The following KCNQ3 variants were observed in gnomAD, a reference collection of about 807,000 sequenced individuals.
KCNQ3 encodes the protein potassium voltage-gated channel subfamily Q member 3, also known as potassium voltage-gated channel subfamily KQT member 3.
KCNQ3 carries 30 observed loss-of-function variants against 92.5 expected under a neutral mutation model. That is an observed-to-expected ratio of 0.32 (90% CI 0.24 to 0.44). The LOEUF is 0.44. Among genes scored for constraint, KCNQ3 ranks in the 20% least tolerant of loss-of-function variants. The probability of loss-of-function intolerance (pLI) is 1.00; values close to 1 mark genes in which losing one functional copy is unlikely to be tolerated. For synonymous variants in KCNQ3, 450 were observed against 468.8 expected (o/e 0.96, Z 0.52); for missense variants, 913 against 1,140.3 (o/e 0.80, Z 2.87).
chr8:132,411,987 T>A (rs1046615239), intron 1 of KCNQ3, among the ~76,000 whole-genome samples: 5 of 152,202 alleles, frequency 3.3e-5, no homozygotes, highest in Admixed American at 1.3e-4. Context: ...GCTGGCCTTT[T>A]CTGGGGTTAG....
chr8:132,426,729 T>G (rs2130818317), intron 1 of KCNQ3, among the ~76,000 whole-genome samples: 1 of 152,312 alleles, frequency 6.6e-6, no homozygotes, highest in South Asian at 2.1e-4. Flanking sequence ...GAATAAAAAC[T>G]TCCTTGCCAA....
intron 1 of KCNQ3, among the ~76,000 whole-genome samples, chr8:132,423,471 C>A (rs537609152): frequency 7.2e-5 from 11 of 152,282 alleles, no homozygotes; most frequent in Non-Finnish European, 1.0e-4. Flanking sequence ...AGCATAGACT[C>A]AAGCCAGACT....
Position 132,141,253 on chromosome 8 carries a change from A to C in KCNQ3, c.1341T>G (p.Pro447=). The C allele has an allele frequency of 1.2e-6, 2 of 1,614,200 alleles. No homozygotes were observed. Among genetic ancestry groups the C allele is most frequent in the Non-Finnish European group, 1.7e-6 (2 of 1,180,016 alleles). Residue 447 remains proline (P), a synonymous_variant, in exon 10 of 15, where the codon CCT becomes CCG. Coordinates refer to ENST00000388996, the MANE Select transcript of KCNQ3 (RefSeq NM_004519.4). ...GSNTKGKLFT[P]LNVDAIEESP... is the part of the protein sequence containing the mutation. ...TTTCTTCTATGGCATCTACATTCAG[A>C]GGGGTAAATAGCTTTCCTTTAGTAT...
At chr8:132,399,153 T>C (rs148852020) in intron 1 of KCNQ3, among the ~76,000 whole-genome samples, 1 of 152,228 alleles carries the variant, frequency 6.6e-6, no homozygotes, top group African/African-American at 2.4e-5. Context: ...CAGGTCTCTA[T>C]AGGCAGTAGA....
At chr8:132,448,502 G>GAAAAAAAAAAAAAAAAAAAAAAAAAAAA in intron 1 of KCNQ3, among the ~76,000 whole-genome samples, 10 of 93,884 alleles carry the variant, frequency 1.1e-4, no homozygotes, top group South Asian at 4.0e-4. Context: ...GGAGAAATAT[G>GAAAAAAAAAAAAAAAAAAAAAAAAAAAA]AAAAAAAAAA....
At chr8:132,435,390 G>C (rs927040463) in intron 1 of KCNQ3, among the ~76,000 whole-genome samples, 1 of 152,294 alleles carries the variant, frequency 6.6e-6, no homozygotes, top group Non-Finnish European at 1.5e-5. Context: ...CAGAGGCGGG[G>C]AGGGATCTCC....
At chr8:132,213,012 T>A (rs1171017117) in intron 1 of KCNQ3, among the ~76,000 whole-genome samples, 1 of 152,200 alleles carries the variant, frequency 6.6e-6, no homozygotes, top group East Asian at 1.9e-4. Flanking sequence ...GACACCTGCA[T>A]GACACTGTTG....
Position 132,480,382 on chromosome 8 carries a change from C to T in KCNQ3, c.151G>A (p.Glu51Lys), listed in dbSNP as rs1398300403. 1.3e-6 allele frequency: 2 copies of T among 1,564,080 alleles called. No individual in the cohort carries two copies. Among genetic ancestry groups the T allele is most frequent in the Non-Finnish European group, 1.7e-6 (2 of 1,163,178 alleles). ...RKVGLAPGDVEQVTLALGAGA... is the reference protein window; with the variant it reads ...RKVGLAPGDVKQVTLALGAGA... Reference sequence around the variant, plus strand: ...GCCCCGAGCGCCAAGGTGACTTGCTCCACGTCGCCGGGCGCCAGCCCCACT... The same window carrying T: ...GCCCCGAGCGCCAAGGTGACTTGCTTCACGTCGCCGGGCGCCAGCCCCACT... The change falls in exon 1 of 15, where the codon GAG becomes AAG. Residue 51 changes from glutamate (E) to lysine (K), a missense_variant. Physicochemically the swap from Glu to Lys is moderately conservative, Grantham distance 56. Coordinates refer to ENST00000388996, the MANE Select transcript of KCNQ3 (RefSeq NM_004519.4).
intron 7 of KCNQ3, among the ~76,000 whole-genome samples, chr8:132,171,964 T>C (rs567010847): frequency 6.6e-6 from 1 of 151,694 alleles, no homozygotes; most frequent in South Asian, 2.1e-4. Context: ...GAGGCCAGCC[T>C]GGGCAACATA....
intron 1 of KCNQ3, among the ~76,000 whole-genome samples, chr8:132,286,089 C>A (rs1044197237): frequency 3.3e-5 from 5 of 152,164 alleles, no homozygotes; most frequent in African/African-American, 7.2e-5. Context: ...TGAACCCAGG[C>A]AAAAATTTGC....
chr8:132,312,633 G>C (rs1449912891), intron 1 of KCNQ3, among the ~76,000 whole-genome samples: 1 of 152,152 alleles, frequency 6.6e-6, no homozygotes, highest in African/African-American at 2.4e-5. Flanking sequence ...GACCTGGTAG[G>C]AGGTGACTGG....
At chr8:132,262,634 G>GTTT (rs10629932) in intron 1 of KCNQ3, among the ~76,000 whole-genome samples, 8,447 of 141,788 alleles carry the variant, frequency 0.06, 288 homozygotes, top group South Asian at 0.091. Context: ...TCTTACAGCA[G>GTTT]TTTTTTTTTT....
intron 1 of KCNQ3, among the ~76,000 whole-genome samples, chr8:132,263,072 C>T (rs1815846717): frequency 6.6e-6 from 1 of 152,158 alleles, no homozygotes; most frequent in Admixed American, 6.5e-5. Flanking sequence ...AGCCAAAACT[C>T]CCACCACTGC....
intron 1 of KCNQ3, among the ~76,000 whole-genome samples, chr8:132,407,938 G>A (rs1239175880): frequency 6.6e-6 from 1 of 152,116 alleles, no homozygotes; most frequent in Non-Finnish European, 1.5e-5. Context: ...TACATGATGG[G>A]GTGGAGGCTT....
At chr8:132,323,776 T>C (rs1240729444) in intron 1 of KCNQ3, among the ~76,000 whole-genome samples, 2 of 152,166 alleles carry the variant, frequency 1.3e-5, no homozygotes, top group Non-Finnish European at 2.9e-5. Context: ...TCAAGACAAC[T>C]GTGGGTCTCG....
chr8:132,429,007 G>A (rs1821179719), intron 1 of KCNQ3, among the ~76,000 whole-genome samples: 1 of 152,232 alleles, frequency 6.6e-6, no homozygotes, highest in South Asian at 2.1e-4. Context: ...GGACGGGATA[G>A]CCATTCCAGA....
intron 1 of KCNQ3, among the ~76,000 whole-genome samples, chr8:132,409,063 T>C (rs900936675): frequency 2.6e-5 from 4 of 152,230 alleles, no homozygotes; most frequent in Non-Finnish European, 4.4e-5. Context: ...TAATTTGTTA[T>C]ATAGCAGTAA....
At chr8:132,217,727 A>C (rs1349242067) in intron 1 of KCNQ3, among the ~76,000 whole-genome samples, 3 of 151,402 alleles carry the variant, frequency 2.0e-5, no homozygotes, top group Non-Finnish European at 4.4e-5. Flanking sequence ...AAAAAAAAAA[A>C]AAACAAAACA....
intron 1 of KCNQ3, among the ~76,000 whole-genome samples, chr8:132,214,367 C>G (rs1318570818): frequency 6.6e-6 from 1 of 152,214 alleles, no homozygotes; most frequent in South Asian, 2.1e-4. Flanking sequence ...TTCCTTCTTT[C>G]CTTCTTCTCA....
Sources: allele counts gnomAD v4.1 joint callset (sites outside exome capture counted in the v4.1 genomes callset), GRCh38; gene constraint gnomAD v4.1.1; transcripts MANE v1.5; gene names NCBI Gene and HGNC (gene_info 2026-07-23, HGNC 2026-07-21).